NBAS: variants seen among roughly 807,000 people sequenced by gnomAD.
NBAS encodes the protein NAG/BC035112 fusion.
In NBAS, 219 loss-of-function variants were observed where a neutral mutation model predicts 302.5. That is an observed-to-expected ratio of 0.72 (90% CI 0.65 to 0.81). The LOEUF (loss-of-function observed/expected upper bound fraction) is 0.81. Ranked by LOEUF, NBAS falls within the 30% of genes least tolerant of loss-of-function variation. The pLI is 0.00. For missense variants in NBAS, 2,932 were observed against 2,841.6 expected, an observed-to-expected ratio of 1.03 and a Z score of -0.72; for synonymous variants, 1,118 against 1,021.6, an observed-to-expected ratio of 1.09 and a Z score of -1.80.
At chr2:14,825,907 T>C in the NBAS span, among the ~76,000 whole-genome samples, 1 of 152,186 alleles carries the variant, frequency 6.6e-6, no homozygotes, top group African/African-American at 2.4e-5. Flanking sequence ...AAAAGCAGTT[T>C]GCACGAAATC....
At chr2:15,213,967 C>A (rs1156981213) in intron 48 of NBAS, among the ~76,000 whole-genome samples, 1 of 152,156 alleles carries the variant, frequency 6.6e-6, no homozygotes, top group Non-Finnish European at 1.5e-5. Context: ...AAGCAACTGG[C>A]TGGTCAGAAA....
chr2:14,874,987 G>A, the NBAS span, among the ~76,000 whole-genome samples: 1 of 151,644 alleles, frequency 6.6e-6, no homozygotes, highest in East Asian at 1.9e-4. Context: ...ACTAGAAATA[G>A]AAAGGACTTC....
the NBAS span, among the ~76,000 whole-genome samples, chr2:15,069,245 G>A: frequency 5.9e-5 from 9 of 152,270 alleles, no homozygotes; most frequent in East Asian, 9.7e-4. Context: ...CACACACTTC[G>A]CCTCTTTAAG....
chr2:14,996,344 A>G, the NBAS span, among the ~76,000 whole-genome samples: 1 of 152,168 alleles, frequency 6.6e-6, no homozygotes, highest in Non-Finnish European at 1.5e-5. Flanking sequence ...TCAATTTACA[A>G]TTGAAGAAAT....
chr2:14,789,273 C>T, the NBAS span, among the ~76,000 whole-genome samples: 1 of 152,228 alleles, frequency 6.6e-6, no homozygotes, highest in Non-Finnish European at 1.5e-5. Context: ...CTCCCCGACC[C>T]CTTGCGCTTC....
chr2:15,332,958 A>G (rs1672419687), intron 35 of NBAS, among the ~76,000 whole-genome samples: 1 of 152,220 alleles, frequency 6.6e-6, no homozygotes, highest in Admixed American at 6.5e-5. Flanking sequence ...CTACTAGGCA[A>G]TGGGGTGACA....
chr2:14,795,926 TGTATGTCTTTTAG>T, the NBAS span, among the ~76,000 whole-genome samples: 1 of 152,238 alleles, frequency 6.6e-6, no homozygotes, highest in Non-Finnish European at 1.5e-5. Context: ...AATATTCTTC[TGTATGTCTTTTAG>T]AAGTTTTATG....
Position 15,367,007 on chromosome 2 carries a change from G to A in NBAS, c.3704-314C>T, listed in dbSNP as rs150651950. On this transcript the variant is annotated intron_variant, in intron 31 of 51. Transcript: ENST00000281513. ...TCAGGACTTAGGGAAAAATTTAAAC[G>A]AGACAGTATTTGTCTCTAAAAACTT... Among the ~76,000 whole-genome samples the A allele has an allele frequency of 8.2e-3, 1,242 of 152,136 alleles. 15 individuals are homozygous for A. Among genetic ancestry groups the A allele is most frequent in the African/African-American group, 0.028 (1,174 of 41,510 alleles).
the NBAS span, among the ~76,000 whole-genome samples, chr2:14,847,239 C>T: frequency 1.7e-3 from 261 of 151,722 alleles, no homozygotes; most frequent in African/African-American, 6.0e-3. Context: ...AAAAATTAGC[C>T]GGGTGTGGTG....
intron 40 of NBAS, among the ~76,000 whole-genome samples, chr2:15,294,207 A>G (rs550635188): frequency 6.6e-6 from 1 of 152,348 alleles, no homozygotes; most frequent in South Asian, 2.1e-4. Context: ...AGGAGTGGGC[A>G]GGTGTTATCG....
intron 32 of NBAS, among the ~76,000 whole-genome samples, chr2:15,360,700 A>G (rs1673872008): frequency 6.9e-6 from 1 of 145,932 alleles, no homozygotes; most frequent in Non-Finnish European, 1.5e-5. Context: ...GTTAAATACT[A>G]AGACACAAAC....
At chr2:15,343,439 A>T (rs1172837075) in intron 35 of NBAS, among the ~76,000 whole-genome samples, 2 of 152,152 alleles carry the variant, frequency 1.3e-5, no homozygotes, top group East Asian at 3.9e-4. Flanking sequence ...GGGAAAAATT[A>T]ATAAAGCAAT....
chr2:14,859,892 A>C, the NBAS span, among the ~76,000 whole-genome samples: 1 of 152,154 alleles, frequency 6.6e-6, no homozygotes, highest in Non-Finnish European at 1.5e-5. Flanking sequence ...AACTAAAGAC[A>C]TAACCCACAG....
chr2:15,474,121 G>C lies in NBAS; in HGVS notation c.1545C>G (p.Asn515Lys), dbSNP rs755699468. ...PRKRPRTITK[N>K]YRLVSLRSTT... ...TGGAGCGCAAACTCACAAGGCGGTA[G>C]TTTTTAGTAATGGTTCGTGGGCGTT... is the stretch of plus-strand genomic sequence containing the variant. The change falls in exon 15 of 52, where the codon AAC becomes AAG. Residue 515 changes from asparagine to lysine, a missense_variant. Physicochemically the swap from Asn to Lys is moderately conservative, Grantham distance 94. Coordinates refer to ENST00000281513, the MANE Select transcript of NBAS (RefSeq NM_015909.4). 1.2e-6 allele frequency: 2 copies of C among 1,613,984 alleles called. No homozygotes were observed. Among genetic ancestry groups the C allele is most frequent in the Non-Finnish European group, 1.7e-6 (2 of 1,179,952 alleles).
chr2:15,271,627 T>C (rs897109801), intron 44 of NBAS, among the ~76,000 whole-genome samples: 1 of 152,218 alleles, frequency 6.6e-6, no homozygotes. Context: ...CAGCATTTCA[T>C]ATGAGAGAGA....
chr2:15,508,950 C>G (rs948846224), intron 10 of NBAS, among the ~76,000 whole-genome samples: 1 of 152,002 alleles, frequency 6.6e-6, no homozygotes, highest in African/African-American at 2.4e-5. Context: ...TTGCAGTGAG[C>G]CAAGAAAGCC....
At chr2:14,803,272 AT>A in the NBAS span, among the ~76,000 whole-genome samples, 2 of 152,108 alleles carry the variant, frequency 1.3e-5, no homozygotes, top group African/African-American at 2.4e-5. Context: ...CTGTAATTTT[AT>A]TGGTGGTTCT....
At position 15,202,318 on chromosome 2, in the gene NBAS, A is replaced by G. The variant is rs73194947; in HGVS notation, c.6433-11915T>C. ...ATAAAACATGCTGTAATCACTCCCC[A>G]TAAGTGCTGCTGTCACTTCGATATG... On this transcript the variant is annotated intron_variant, in intron 48 of 51. Transcript: ENST00000281513. 9.1e-3 allele frequency among the ~76,000 whole-genome samples: 1,389 copies of G among 152,310 alleles called. 17 individuals are homozygous for G. The highest frequency in any genetic ancestry group is 0.032 in the African/African-American group (1,310 of 41,572).
At chr2:15,213,365 C>G (rs1458186318) in intron 48 of NBAS, among the ~76,000 whole-genome samples, 1 of 152,190 alleles carries the variant, frequency 6.6e-6, no homozygotes, top group Non-Finnish European at 1.5e-5. Context: ...CAGCAGTTAA[C>G]ATATATAGTA....
Sources: allele counts gnomAD v4.1 joint callset (sites outside exome capture counted in the v4.1 genomes callset), GRCh38; gene constraint gnomAD v4.1.1; transcripts MANE v1.5; gene names NCBI Gene and HGNC (gene_info 2026-07-23, HGNC 2026-07-21).